Variants in DOCK7 observed in about 807,000 individuals in gnomAD.
DOCK7 encodes the protein dedicator of cytokinesis 7, also known as dedicator of cytokinesis protein 7.
In DOCK7, 138 loss-of-function variants were observed where a neutral mutation model predicts 271.0. The observed-to-expected ratio is 0.51, with a 90% CI of 0.44 to 0.59. The LOEUF (loss-of-function observed/expected upper bound fraction) is 0.59, where lower values mean the gene tolerates loss of function less well. Among genes scored for constraint, DOCK7 ranks in the 20% least tolerant of loss-of-function variants. DOCK7 has a pLI of 0.00. For synonymous variants in DOCK7, 823 were observed against 876.1 expected (o/e 0.94, Z 1.07); for missense variants, 2,066 against 2,592.4 (o/e 0.80, Z 4.41).
At chr1:62,539,502 AT>A in intron 27 of DOCK7, 42 bp downstream of exon 27, 1 of 1,471,662 alleles carries the variant, frequency 6.8e-7, no homozygotes, top group South Asian at 1.2e-5. Context: ...CTAACATAGT[AT>A]TTAAATTATT....
chr1:62,597,804 C>T, intron 14 of DOCK7: 1 of 1,613,464 alleles, frequency 6.2e-7, no homozygotes, highest in Non-Finnish European at 8.5e-7. Context: ...CATATTTGAT[C>T]AGTCTTTTTA....
At chr1:62,512,732 A>T (rs1039198166) in intron 33 of DOCK7, among the ~76,000 whole-genome samples, 18 of 140,094 alleles carry the variant, frequency 1.3e-4, no homozygotes, top group Middle Eastern at 3.7e-3. Flanking sequence ...GACCATGTTT[A>T]AAAAAAAAAA....
intron 1 of DOCK7, among the ~76,000 whole-genome samples, chr1:62,681,815 T>A (rs1393517107): frequency 6.6e-6 from 1 of 152,146 alleles, no homozygotes; most frequent in African/African-American, 2.4e-5. Flanking sequence ...CATGAATTAA[T>A]CTCACAAATT....
chr1:62,562,955 G>A (rs1270578066), intron 18 of DOCK7, among the ~76,000 whole-genome samples: 1 of 152,136 alleles, frequency 6.6e-6, no homozygotes, highest in African/African-American at 2.4e-5. Flanking sequence ...CCTGAAATGA[G>A]GTACCCCTCT....
chr1:62,676,507 G>T (rs1170377259), intron 1 of DOCK7, among the ~76,000 whole-genome samples: 1 of 152,144 alleles, frequency 6.6e-6, no homozygotes, highest in Non-Finnish European at 1.5e-5. Context: ...TAAAATGAAT[G>T]AATTTTATGA....
At chr1:62,608,904 G>C (rs925215284) in intron 14 of DOCK7, 4 of 152,088 alleles carry the variant, frequency 2.6e-5, no homozygotes, top group Admixed American at 2.0e-4. Context: ...CACTTATTGA[G>C]CATCTACTAT....
rs1039802625 is a variant in DOCK7 at position 62,604,013 on chromosome 1, C to A, written c.1682+14693G>T. 18 of 1,612,812 alleles carry A rather than the reference C, an allele frequency of 1.1e-5. No individual in the cohort carries two copies. The highest frequency in any genetic ancestry group is 1.5e-5 in the Non-Finnish European group (18 of 1,179,216). On this transcript the variant is annotated intron_variant, in intron 14 of 49. Transcript: ENST00000635253. The stretch of plus-strand genomic sequence containing the variant: ...AGAGAAGATATACTCCATAGTGAAG[C>A]AATCTAATTATGTTTTACGAATTGA...
chr1:62,571,851 A>G (rs1004654036), intron 18 of DOCK7, among the ~76,000 whole-genome samples: 2 of 152,168 alleles, frequency 1.3e-5, no homozygotes, highest in African/African-American at 4.8e-5. Flanking sequence ...GAGCTGAACA[A>G]TAAGAACACA....
intron 31 of DOCK7, among the ~76,000 whole-genome samples, chr1:62,517,293 CAAACAAACAAAA>C (rs1237961798): frequency 1.3e-5 from 2 of 151,976 alleles, no homozygotes; most frequent in African/African-American, 2.4e-5. Flanking sequence ...AAAAACAAAA[CAAACAAACAAAA>C]AAACAAACAG....
chr1:62,650,598 G>GA lies in DOCK7; in HGVS notation c.390-2055dup, dbSNP rs528583781. ...ACAAAGAACTCAAACAAATTTACAA[G>GA]AAAAAAACAAACAACCCTATCAAAA... is the stretch of plus-strand genomic sequence containing the variant. On this transcript the variant is annotated intron_variant, in intron 4 of 49. Transcript: ENST00000635253. Among the ~76,000 whole-genome samples, 829 of 152,024 alleles carry GA rather than the reference G, an allele frequency of 5.5e-3. 8 individuals carry two copies. The highest frequency in any genetic ancestry group is 0.019 in the African/African-American group (791 of 41,446).
At chr1:62,603,087 C>G (rs1286648609) in intron 14 of DOCK7, among the ~76,000 whole-genome samples, 1 of 151,568 alleles carries the variant, frequency 6.6e-6, no homozygotes, top group Non-Finnish European at 1.5e-5. Flanking sequence ...TTCAAACTAC[C>G]AGTGAAAGCC....
intron 14 of DOCK7, chr1:62,604,128 C>A: frequency 6.2e-7 from 1 of 1,613,120 alleles, no homozygotes; most frequent in Non-Finnish European, 8.5e-7. Context: ...CATCTAGTTG[C>A]GATTACTGGC....
chr1:62,537,839 A>G (rs1645396336), intron 28 of DOCK7, 52 bp downstream of exon 28: 1 of 1,519,454 alleles, frequency 6.6e-7, no homozygotes, highest in East Asian at 2.3e-5. Context: ...GTTTAAAACT[A>G]TTCTTCACAA....
intron 14 of DOCK7, among the ~76,000 whole-genome samples, chr1:62,613,440 G>C (rs542077563): frequency 6.6e-6 from 1 of 152,102 alleles, no homozygotes; most frequent in Admixed American, 6.6e-5. Context: ...CGCGGGGAAC[G>C]ACAGAGTTTG....
intron 21 of DOCK7, among the ~76,000 whole-genome samples, chr1:62,555,097 A>G (rs1312379360): frequency 4.6e-5 from 7 of 152,340 alleles, no homozygotes; most frequent in Non-Finnish European, 1.0e-4. Flanking sequence ...ATGAACAACC[A>G]AAGGATTATT....
chr1:62,687,156 G>C (rs1006503721), intron 1 of DOCK7, among the ~76,000 whole-genome samples: 2 of 152,106 alleles, frequency 1.3e-5, no homozygotes, highest in Non-Finnish European at 2.9e-5. Flanking sequence ...AACAAAAAAA[G>C]GTAATTTAAT....
At chr1:62,614,421 C>T (rs1050239715) in intron 14 of DOCK7, among the ~76,000 whole-genome samples, 4 of 151,878 alleles carry the variant, frequency 2.6e-5, no homozygotes, top group African/African-American at 4.8e-5. Flanking sequence ...GAATAAACAA[C>T]TTTTAATGAT....
chr1:62,493,524 C>A (rs927036429), intron 40 of DOCK7, among the ~76,000 whole-genome samples: 9 of 152,212 alleles, frequency 5.9e-5, no homozygotes, highest in Non-Finnish European at 1.2e-4. Flanking sequence ...TGAGTGAAAA[C>A]TTAAAAGATT....
intron 14 of DOCK7, among the ~76,000 whole-genome samples, chr1:62,592,189 A>C (rs1355045666): frequency 6.6e-6 from 1 of 152,218 alleles, no homozygotes; most frequent in Non-Finnish European, 1.5e-5. Context: ...ATTCCCAAAT[A>C]AATCTAGTAA....
Sources: allele counts gnomAD v4.1 joint callset (sites outside exome capture counted in the v4.1 genomes callset), GRCh38; gene constraint gnomAD v4.1.1; transcripts MANE v1.5; gene names NCBI Gene and HGNC (gene_info 2026-07-23, HGNC 2026-07-21).